The following PCDHA1 variants were observed in gnomAD, a reference collection of about 807,000 sequenced individuals.
The protein encoded by PCDHA1 is protocadherin alpha-1.
In PCDHA1, 42 loss-of-function variants were observed where a neutral mutation model predicts 61.3. That is an observed-to-expected ratio of 0.69 (90% CI 0.54 to 0.89). The LOEUF (loss-of-function observed/expected upper bound fraction) is 0.89, where lower values mean the gene tolerates loss of function less well. Ranked by LOEUF, PCDHA1 falls within the 40% of genes least tolerant of loss-of-function variation. The pLI is 0.00. For missense variants in PCDHA1, 1,256 were observed against 1,235.3 expected (o/e 1.02, Z -0.25); for synonymous variants, 610 against 553.8 (o/e 1.10, Z -1.43).
chr5:140,862,944 T>C (rs1554157274), intron 1 of PCDHA1: 3 of 542,156 alleles, frequency 5.5e-6, no homozygotes, highest in Admixed American at 3.9e-5. Flanking sequence ...GTGAGTGAGC[T>C]GGTGCGGTAT....
intron 3 of PCDHA1, among the ~76,000 whole-genome samples, chr5:140,995,541 G>T (rs1444257516): frequency 6.6e-5 from 10 of 152,186 alleles, no homozygotes; most frequent in Non-Finnish European, 1.3e-4. Context: ...CAAATAAGGG[G>T]CGATCACTGT....
chr5:140,869,570 G>A, intron 1 of PCDHA1: 1 of 1,614,148 alleles, frequency 6.2e-7, no homozygotes. Flanking sequence ...CCACTAGAGG[G>A]AGCTTCTGAT....
chr5:140,856,319 C>T (rs782092511), intron 1 of PCDHA1: 2 of 1,598,532 alleles, frequency 1.3e-6, no homozygotes, highest in African/African-American at 1.3e-5. Flanking sequence ...TCGGATTGAC[C>T]GCGAGGAGCT....
Position 140,858,065 on chromosome 5 carries a change from C to T in PCDHA1, c.2394+69381C>T, listed in dbSNP as rs200661444. 1.2e-3 allele frequency: 1,989 copies of T among 1,597,646 alleles called. 147 individuals carry two copies. Among genetic ancestry groups the T allele is most frequent in the Non-Finnish European group, 1.1e-3 (1,233 of 1,167,558 alleles). Reference sequence around the variant, plus strand: ...GCTTGTGTCGCTTGTGGAGGGCAGCCAGGCACCCAAGGCCTCGTCGCGGGC... The same window carrying T: ...GCTTGTGTCGCTTGTGGAGGGCAGCTAGGCACCCAAGGCCTCGTCGCGGGC... On this transcript the variant is annotated intron_variant, in intron 1 of 3. Transcript: ENST00000504120.
At chr5:140,882,936 C>T (rs782513929) in intron 1 of PCDHA1, 5 of 1,614,082 alleles carry the variant, frequency 3.1e-6, no homozygotes, top group Non-Finnish European at 4.2e-6. Flanking sequence ...CCCGAGCTGA[C>T]TGGCACAGTT....
chr5:140,797,433 T>G (rs1210918310), intron 1 of PCDHA1: 1 of 1,380,858 alleles, frequency 7.2e-7, no homozygotes, highest in African/African-American at 1.5e-5. Context: ...GTTATTTAGA[T>G]TCATAGTTCT....
At chr5:140,897,504 C>T (rs1253239827) in intron 1 of PCDHA1, among the ~76,000 whole-genome samples, 1 of 152,092 alleles carries the variant, frequency 6.6e-6, no homozygotes, top group Non-Finnish European at 1.5e-5. Context: ...CATGTCCCTA[C>T]AAAGGACATG....
chr5:140,977,720 A>C (rs1156806702), intron 1 of PCDHA1, among the ~76,000 whole-genome samples: 1 of 152,202 alleles, frequency 6.6e-6, no homozygotes, highest in African/African-American at 2.4e-5. Flanking sequence ...GATGGTGATC[A>C]TTTCTCTCCT....
At chr5:141,005,725 A>AAAAAAG (rs2098234610) in intron 3 of PCDHA1, among the ~76,000 whole-genome samples, 2 of 150,088 alleles carry the variant, frequency 1.3e-5, no homozygotes, top group Admixed American at 6.6e-5. Flanking sequence ...AAAAAAAAAA[A>AAAAAAG]AAAAAAGAAT....
chr5:140,868,708 A>C, intron 1 of PCDHA1: 1 of 186,682 alleles, frequency 5.4e-6, no homozygotes, highest in Non-Finnish European at 1.1e-5. Context: ...CATAGACACA[A>C]TAATTTAAAT....
chr5:140,947,580 A>G (rs1031254382), intron 1 of PCDHA1, among the ~76,000 whole-genome samples: 2 of 151,664 alleles, frequency 1.3e-5, no homozygotes, highest in Non-Finnish European at 3.0e-5. Context: ...TGTTTTTAAC[A>G]TTTAGATCAA....
Position 140,787,913 on chromosome 5 carries a change from C to T in PCDHA1, c.1623C>T (p.Gly541=), listed in dbSNP as rs1471467376. The change falls in exon 1 of 4, where the codon GGC becomes GGT. Residue 541 remains glycine (G), a synonymous_variant. Transcript: ENST00000504120. The part of the protein sequence containing the change: ...LQFQVSARDA[G]VPPLGSNVTL... ...TCCAGGTGAGCGCGCGGGATGCGGG[C>T]GTGCCGCCTCTGGGCAGCAACGTGA... 6.2e-7 allele frequency: 1 copy of T among 1,613,632 alleles called. No homozygotes were observed. The highest frequency in any genetic ancestry group is 1.7e-5 in the Admixed American group (1 of 59,992).
intron 1 of PCDHA1, chr5:140,841,259 G>GA: frequency 6.6e-7 from 1 of 1,517,710 alleles, no homozygotes; most frequent in East Asian, 2.3e-5. Flanking sequence ...AAAAGACTCT[G>GA]AAAGTACAGT....
intron 1 of PCDHA1, chr5:140,969,215 C>A (rs782320507): frequency 6.2e-7 from 1 of 1,614,010 alleles, no homozygotes; most frequent in Admixed American, 1.7e-5. Context: ...CCAGACAGGA[C>A]CAGGGCCTTC....
chr5:140,941,211 CTTCCTTTCTTTCTTTCTTT>C (rs1563185577), intron 1 of PCDHA1, among the ~76,000 whole-genome samples: 1,494 of 129,708 alleles, frequency 0.012, 26 homozygotes, highest in African/African-American at 0.041. Flanking sequence ...TCCTTTCTTT[CTTCCTTTCTTTCTTTCTTT>C]CTTTCTTTCT....
chr5:140,796,103 GTA>G (rs782344928), intron 1 of PCDHA1: 2 of 1,614,180 alleles, frequency 1.2e-6, no homozygotes, highest in Non-Finnish European at 1.7e-6. Flanking sequence ...CGCGACTCTG[GTA>G]CGAATGGACA....
rs2150445484 is a variant in PCDHA1, at chr5:140,849,697, A to T, written c.2394+61013A>T. The T allele has an allele frequency of 1.8e-5, 29 of 1,598,622 alleles. 2 individuals carry two copies. Among genetic ancestry groups the T allele is most frequent in the Middle Eastern group, 1.7e-4 (1 of 5,912 alleles). ...GTCCCCTTCAAGCTGGTGTCCACCTACAAGAATTACTACTCGTTGGTGCTG... is the reference window on the plus strand; with the variant it reads ...GTCCCCTTCAAGCTGGTGTCCACCTTCAAGAATTACTACTCGTTGGTGCTG... On this transcript the variant is annotated intron_variant, in intron 1 of 3. Coordinates refer to ENST00000504120, the MANE Select transcript of PCDHA1 (RefSeq NM_018900.4).
intron 1 of PCDHA1, chr5:140,869,960 C>G: frequency 6.2e-7 from 1 of 1,612,264 alleles, no homozygotes; most frequent in Non-Finnish European, 8.5e-7. Flanking sequence ...TCAATTAAGC[C>G]CAATGGAAGA....
intron 1 of PCDHA1, chr5:140,796,921 GAC>G: frequency 6.2e-7 from 1 of 1,613,880 alleles, no homozygotes; most frequent in Non-Finnish European, 8.5e-7. Context: ...GCTGGTGAAG[GAC>G]CACGGCGAAC....
Sources: allele counts gnomAD v4.1 joint callset (sites outside exome capture counted in the v4.1 genomes callset), GRCh38; gene constraint gnomAD v4.1.1; transcripts MANE v1.5; gene names NCBI Gene and HGNC (gene_info 2026-07-23, HGNC 2026-07-21).